Variants in RNF212B observed in about 807,000 individuals in gnomAD.
RNF212B encodes the protein E3 ubiquitin-protein ligase RNF212B.
Under a neutral mutation model 55.5 loss-of-function variants are expected in RNF212B, and 52 were observed. That is an observed-to-expected ratio of 0.94 (90% CI 0.75 to 1.18). RNF212B has a LOEUF of 1.18. Ranked by LOEUF, RNF212B falls within the 50% of genes most tolerant of loss-of-function variation. The pLI is 0.00. For synonymous variants in RNF212B, 99 were observed against 121.4 expected, an observed-to-expected ratio of 0.82 and a Z score of 1.21; for missense variants, 289 against 350.4, an observed-to-expected ratio of 0.82 and a Z score of 1.40.
Position 23,270,565 on chromosome 14 carries a change from T to G in RNF212B, c.773-35T>G, listed in dbSNP as rs1594955918. ...TAACACTGCCGAGAAACTGCCCAAG[T>G]AAGTTATCTTTCACTGTTCCATTCT... On this transcript the variant is annotated intron_variant, in intron 13 of 14. Coordinates refer to ENST00000430154, the MANE Select transcript of RNF212B (RefSeq NM_001282322.3). 6.0e-6 allele frequency: 9 copies of G among 1,489,304 alleles called. No homozygotes were observed. The East Asian group carries it at 2.2e-4, about 37-fold the overall frequency. The allele number at this position is 1,489,304 out of a possible 1,614,324, so 92.3% of individuals were successfully genotyped here.
intron 2 of RNF212B, among the ~76,000 whole-genome samples, chr14:23,242,684 G>A (rs953552988): frequency 5.3e-5 from 8 of 152,160 alleles, no homozygotes; most frequent in Admixed American, 1.3e-4. Flanking sequence ...AAAAGATGGG[G>A]CAGGAGGTGC....
chr14:23,263,091 G>GTT (rs34260336), intron 9 of RNF212B, 121 bp downstream of exon 9: 16,745 of 685,920 alleles, frequency 0.024, 4 homozygotes, highest in South Asian at 0.03. Context: ...TAAAGCTAGG[G>GTT]TTTTTTTTTT....
intron 2 of RNF212B, among the ~76,000 whole-genome samples, chr14:23,210,791 A>AAAAAAAAAAC: frequency 6.6e-6 from 1 of 150,726 alleles, no homozygotes; most frequent in African/African-American, 2.4e-5. Flanking sequence ...AAAAAAAAAA[A>AAAAAAAAAAC]AAAAGAAATG....
intron 1 of RNF212B, among the ~76,000 whole-genome samples, chr14:23,238,921 A>G (rs1266903646): frequency 3.3e-5 from 5 of 152,154 alleles, no homozygotes; most frequent in Non-Finnish European, 7.4e-5. Flanking sequence ...AGAACTTTAC[A>G]TGGGGAATCA....
intron 2 of RNF212B, among the ~76,000 whole-genome samples, chr14:23,215,685 GA>G (rs924958071): frequency 6.6e-6 from 1 of 152,096 alleles, no homozygotes; most frequent in East Asian, 1.9e-4. Context: ...GGAAAACTAA[GA>G]AAAGGGGTCA....
chr14:23,245,087 C>T (rs1368662116), intron 4 of RNF212B, among the ~76,000 whole-genome samples: 1 of 152,120 alleles, frequency 6.6e-6, no homozygotes, highest in East Asian at 1.9e-4. Context: ...CATGGAATTC[C>T]TATCTTGGCA....
intron 1 of RNF212B, among the ~76,000 whole-genome samples, chr14:23,190,886 C>T (rs548161222): frequency 2.0e-5 from 3 of 152,294 alleles, no homozygotes; most frequent in Admixed American, 6.5e-5. Flanking sequence ...TCATAGGCCT[C>T]CTTCCTAGTC....
chr14:23,271,909 A>C (rs1047511078), intron 14 of RNF212B, among the ~76,000 whole-genome samples: 1 of 152,198 alleles, frequency 6.6e-6, no homozygotes, highest in Non-Finnish European at 1.5e-5. Context: ...TTTTGGTATG[A>C]TGATATCGTA....
intron 7 of RNF212B, among the ~76,000 whole-genome samples, chr14:23,262,096 A>G (rs905855988): frequency 6.6e-6 from 1 of 152,220 alleles, no homozygotes; most frequent in African/African-American, 2.4e-5. Flanking sequence ...CATAGAAGTT[A>G]CAGTCTAATG....
chr14:23,264,353 G>A (rs1885522894), intron 10 of RNF212B, 119 bp downstream of exon 10: 3 of 860,900 alleles, frequency 3.5e-6, no homozygotes, highest in Non-Finnish European at 5.4e-6. Flanking sequence ...TGTCATACTG[G>A]ACCCTATTTT....
intron 2 of RNF212B, among the ~76,000 whole-genome samples, chr14:23,218,976 G>A (rs542600345): frequency 6.6e-6 from 1 of 152,238 alleles, no homozygotes; most frequent in East Asian, 1.9e-4. Flanking sequence ...ACAAAATAGA[G>A]CACCAATATG....
intron 2 of RNF212B, among the ~76,000 whole-genome samples, chr14:23,193,973 A>G (rs964773936): frequency 1.3e-5 from 2 of 151,900 alleles, no homozygotes; most frequent in African/African-American, 4.8e-5. Flanking sequence ...TCCCAAGTAG[A>G]TGGGATTACA....
chr14:23,232,942 C>T (rs569811927), upstream of RNF212B, among the ~76,000 whole-genome samples: 18 of 151,954 alleles, frequency 1.2e-4, no homozygotes, highest in Middle Eastern at 3.4e-3. Flanking sequence ...GCCATGATGA[C>T]GATGGTGGTT....
intron 2 of RNF212B, among the ~76,000 whole-genome samples, chr14:23,207,805 G>T (rs1341078762): frequency 6.6e-6 from 1 of 152,138 alleles, no homozygotes; most frequent in Non-Finnish European, 1.5e-5. Context: ...AGGTGGTCGG[G>T]GTACAGCTTA....
intron 2 of RNF212B, among the ~76,000 whole-genome samples, chr14:23,231,828 GA>G (rs537627677): frequency 2.6e-5 from 4 of 152,224 alleles, no homozygotes; most frequent in African/African-American, 7.2e-5. Flanking sequence ...TTTTGGTGGA[GA>G]GGGGGTTTCG....
intron 2 of RNF212B, among the ~76,000 whole-genome samples, chr14:23,206,912 TA>T (rs201181337): frequency 0.011 from 1,591 of 143,228 alleles, 30 homozygotes; most frequent in African/African-American, 0.033. Flanking sequence ...AAACTTTCGT[TA>T]AAAAAAAAAA....
chr14:23,237,633 G>C (rs1430810369), upstream of RNF212B, among the ~76,000 whole-genome samples: 8 of 152,070 alleles, frequency 5.3e-5, no homozygotes, highest in African/African-American at 1.9e-4. Context: ...TTTATATTGC[G>C]TTCTCATCGT....
intron 6 of RNF212B, 43 bp from the exon 7 acceptor site, chr14:23,260,616 C>A: frequency 6.5e-7 from 1 of 1,538,080 alleles, no homozygotes; most frequent in Admixed American, 2.0e-5. Context: ...TGATTAGGAT[C>A]CTCAGTTGCA....
At chr14:23,240,790 A>G (rs906054068) in intron 2 of RNF212B, among the ~76,000 whole-genome samples, 6 of 152,226 alleles carry the variant, frequency 3.9e-5, no homozygotes, top group African/African-American at 7.2e-5. Context: ...GGCTGATAGA[A>G]GAGCCATTTC....
Sources: allele counts gnomAD v4.1 joint callset (sites outside exome capture counted in the v4.1 genomes callset), GRCh38; gene constraint gnomAD v4.1.1; transcripts MANE v1.5; gene names NCBI Gene and HGNC (gene_info 2026-07-23, HGNC 2026-07-21).